The following GRIP1 variants were observed in gnomAD, a reference collection of about 807,000 sequenced individuals.
GRIP1 encodes the protein glutamate receptor-interacting protein 1.
GRIP1 carries 45 observed loss-of-function variants against 129.9 expected under a neutral mutation model. That is an observed-to-expected ratio of 0.35 (90% confidence interval 0.27 to 0.44). The LOEUF (loss-of-function observed/expected upper bound fraction) is 0.44, where lower values mean the gene tolerates loss of function less well. GRIP1 is among the 20% of genes least tolerant of loss of function. The pLI is 1.00. For synonymous variants in GRIP1, 530 were observed against 520.8 expected (o/e 1.02, Z -0.24); for missense variants, 1,196 against 1,396.8 (o/e 0.86, Z 2.29).
chr12:66,885,780 A>T (rs2040556251), intron 1 of GRIP1, among the ~76,000 whole-genome samples: 1 of 152,184 alleles, frequency 6.6e-6, no homozygotes, highest in Non-Finnish European at 1.5e-5. Context: ...GAACTCTAAA[A>T]GCCTCTATCT....
chr12:67,048,465 CA>C (rs1395453352), intron 1 of GRIP1, among the ~76,000 whole-genome samples: 29 of 152,080 alleles, frequency 1.9e-4, no homozygotes, highest in East Asian at 1.5e-3. Flanking sequence ...CACACACATA[CA>C]TTTTTTTTTT....
intron 2 of GRIP1, among the ~76,000 whole-genome samples, chr12:66,555,672 T>C (rs2062304491): frequency 6.6e-6 from 1 of 151,974 alleles, no homozygotes; most frequent in South Asian, 2.1e-4. Context: ...TTTAAGATAA[T>C]ACAGTGAAGA....
chr12:66,462,837 C>CCAGTGTCT, intron 9 of GRIP1, 87 bp downstream of exon 9: 1 of 879,468 alleles, frequency 1.1e-6, no homozygotes, highest in Non-Finnish European at 1.9e-6. Context: ...AGAATGAGAC[C>CCAGTGTCT]CAGTGTCTTT....
intron 1 of GRIP1, among the ~76,000 whole-genome samples, chr12:66,661,118 T>A (rs532327825): frequency 6.6e-6 from 1 of 152,054 alleles, no homozygotes; most frequent in Non-Finnish European, 1.5e-5. Context: ...CCAGTTGTGA[T>A]GCACCTAGAA....
chr12:66,812,911 T>C (rs2039130868), intron 1 of GRIP1, among the ~76,000 whole-genome samples: 1 of 152,122 alleles, frequency 6.6e-6, no homozygotes, highest in South Asian at 2.1e-4. Context: ...CTAAATCTGA[T>C]TCATTTATTC....
intron 1 of GRIP1, among the ~76,000 whole-genome samples, chr12:67,060,824 CAAAAAA>C (rs11300344): frequency 4.8e-5 from 5 of 104,774 alleles, no homozygotes; most frequent in East Asian, 2.7e-4. Flanking sequence ...AACTCCGTCT[CAAAAAA>C]AAAAAAAAAA....
chr12:66,601,349 G>A (rs892790590), intron 1 of GRIP1, among the ~76,000 whole-genome samples: 2 of 152,168 alleles, frequency 1.3e-5, no homozygotes, highest in Admixed American at 6.5e-5. Context: ...ACATTGTGAG[G>A]AAGGGAGTCA....
chr12:66,925,646 T>G (rs2041284030), intron 1 of GRIP1, among the ~76,000 whole-genome samples: 1 of 152,154 alleles, frequency 6.6e-6, no homozygotes, highest in Admixed American at 6.5e-5. Flanking sequence ...CCTGTTTTTT[T>G]GTTTGTTTGT....
At chr12:66,863,738 G>A (rs1009716483) in intron 1 of GRIP1, among the ~76,000 whole-genome samples, 16 of 152,106 alleles carry the variant, frequency 1.1e-4, no homozygotes, top group Admixed American at 2.0e-4. Context: ...CATACGCCCT[G>A]TGTTAAAGAA....
intron 1 of GRIP1, among the ~76,000 whole-genome samples, chr12:66,967,560 A>C (rs539830225): frequency 2.0e-5 from 3 of 152,136 alleles, no homozygotes; most frequent in Non-Finnish European, 4.4e-5. Flanking sequence ...AAATTTTTCA[A>C]GTGCCTGGGT....
intron 1 of GRIP1, among the ~76,000 whole-genome samples, chr12:66,937,858 A>G (rs1281970757): frequency 6.6e-6 from 1 of 152,222 alleles, no homozygotes; most frequent in Non-Finnish European, 1.5e-5. Context: ...AACAGGTGGT[A>G]TAAGGGAAAG....
chr12:67,052,999 A>G (rs1405457790), intron 1 of GRIP1, among the ~76,000 whole-genome samples: 1 of 152,180 alleles, frequency 6.6e-6, no homozygotes, highest in African/African-American at 2.4e-5. Context: ...GTTTTCCCAT[A>G]ACAGAAGGAA....
At chr12:66,752,477 C>T (rs75022423) in intron 1 of GRIP1, among the ~76,000 whole-genome samples, 2,825 of 152,224 alleles carry the variant, frequency 0.019, 88 homozygotes, top group African/African-American at 0.064. Context: ...CAAGGACAGT[C>T]ATACATTTTG....
chr12:67,002,657 T>C (rs2042568300), intron 1 of GRIP1, among the ~76,000 whole-genome samples: 1 of 152,220 alleles, frequency 6.6e-6, no homozygotes, highest in Admixed American at 6.5e-5. Context: ...GGACATCTAT[T>C]TTCTTTTCTC....
At chr12:66,527,822 G>C (rs2061307636) in intron 5 of GRIP1, among the ~76,000 whole-genome samples, 1 of 152,102 alleles carries the variant, frequency 6.6e-6, no homozygotes, top group African/African-American at 2.4e-5. Flanking sequence ...GAGGTTGGAG[G>C]GTGGGAGGAG....
intron 1 of GRIP1, among the ~76,000 whole-genome samples, chr12:66,839,097 T>G (rs1217369898): frequency 6.6e-6 from 1 of 152,064 alleles, no homozygotes; most frequent in East Asian, 1.9e-4. Flanking sequence ...TGAAAAAAAT[T>G]AGACTAATTT....
chr12:66,353,297 TC>T, intron 24 of GRIP1, 119 bp downstream of exon 24: 1 of 792,782 alleles, frequency 1.3e-6, no homozygotes, highest in Non-Finnish European at 2.2e-6. Flanking sequence ...GATTCCATAA[TC>T]TTGATGACAA....
chr12:67,041,668 C>T (rs1448528340), intron 1 of GRIP1, among the ~76,000 whole-genome samples: 3 of 151,806 alleles, frequency 2.0e-5, no homozygotes, highest in Non-Finnish European at 4.4e-5. Flanking sequence ...TGGTATCACT[C>T]TAGACCCATT....
chr12:66,464,933 A>ACTTT (rs1555189213), intron 8 of GRIP1, among the ~76,000 whole-genome samples: 33 of 128,046 alleles, frequency 2.6e-4, no homozygotes, highest in South Asian at 7.1e-4. Flanking sequence ...GTAAAGGGGC[A>ACTTT]CTTTCTTTCT....
Sources: gnomAD v4.1 joint callset for allele counts (sites outside exome capture counted in the v4.1 genomes callset) on GRCh38, gnomAD v4.1.1 for gene constraint, MANE v1.5 for transcripts, NCBI Gene and HGNC (gene_info 2026-07-23, HGNC 2026-07-21) for gene names.